ZNF600: variants seen among roughly 807,000 people sequenced by gnomAD.
ZNF600 encodes the protein zinc finger protein KR-ZNF1.
A neutral mutation model predicts 7.3 loss-of-function variants in ZNF600; 4 were observed. That is an observed-to-expected ratio of 0.55 (90% CI 0.27 to 1.25). ZNF600 has a LOEUF of 1.25. ZNF600 is among the 50% of genes most tolerant of loss of function. The pLI is 0.12. For synonymous variants in ZNF600, 290 were observed against 308.9 expected, an observed-to-expected ratio of 0.94 and a Z score of 0.64; for missense variants, 911 against 922.1, an observed-to-expected ratio of 0.99 and a Z score of 0.16.
At chr19:52,808,040 T>A in the ZNF600 span, 1 of 1,613,466 alleles carries the variant, frequency 6.2e-7, no homozygotes, top group African/African-American at 1.3e-5. Flanking sequence ...TTCTCCAGCA[T>A]CACATCCCTG....
upstream of ZNF600, among the ~76,000 whole-genome samples, chr19:52,787,213 G>A (rs550492112): frequency 1.9e-4 from 29 of 152,236 alleles, no homozygotes; most frequent in African/African-American, 6.5e-4. Context: ...GGCCAGGGAG[G>A]AGTGAGGTCA....
chr19:52,771,398 C>A (rs150676204), intron 3 of ZNF600, among the ~76,000 whole-genome samples: 1 of 151,902 alleles, frequency 6.6e-6, no homozygotes, highest in East Asian at 1.9e-4. Context: ...TGCAGTGGCA[C>A]GACTCTCCTA....
chr19:52,814,326 C>T, the ZNF600 span: 1 of 146,404 alleles, frequency 6.8e-6, no homozygotes, highest in Admixed American at 6.9e-5. Context: ...CATGATGGCT[C>T]GTGTCTGTAA....
chr19:52,803,826 G>T, the ZNF600 span, among the ~76,000 whole-genome samples: 2 of 152,074 alleles, frequency 1.3e-5, no homozygotes, highest in Admixed American at 6.6e-5. Context: ...GGGTGTGGTG[G>T]AGGGTGCCTG....
At position 52,765,971 on chromosome 19, in the gene ZNF600, T is replaced by A. The variant is rs150717893; in HGVS notation, c.1992A>T (p.Ser664=). 558 of 1,614,236 alleles carry A rather than the reference T, an allele frequency of 3.5e-4. 1 individual carries two copies. The African/African-American group carries it at 6.6e-3, about 19-fold the overall frequency. ...GAATTCTGGTATGTCTTGCCAGGTATGAATTACGCACGAAAGCCTTGTCAC... is the reference window on the plus strand; with the variant it reads ...GAATTCTGGTATGTCTTGCCAGGTAAGAATTACGCACGAAAGCCTTGTCAC... The change falls in exon 4 of 4, where the codon TCA becomes TCT. Residue 664 remains serine, a synonymous_variant. Transcript: ENST00000648973.
chr19:52,800,024 G>T, the ZNF600 span: 5 of 1,614,180 alleles, frequency 3.1e-6, no homozygotes, highest in African/African-American at 1.3e-5. Context: ...CATTACACTT[G>T]TAAGGTTTCT....
chr19:52,767,702 T>A (rs2062599225), exon 4 of ZNF600: 1 of 1,613,066 alleles, frequency 6.2e-7, no homozygotes, highest in Admixed American at 1.7e-5. Flanking sequence ...GCAATGTCCC[T>A]GTGTGGATCA....
At chr19:52,765,250 A>T (rs1413647405) in exon 4 of ZNF600, 14 of 573,594 alleles carry the variant, frequency 2.4e-5, no homozygotes, top group Non-Finnish European at 4.1e-5. Context: ...CACTTCTGAC[A>T]TTTGTAAGAT....
chr19:52,788,402 T>C (rs911744384), upstream of ZNF600, among the ~76,000 whole-genome samples: 3 of 151,968 alleles, frequency 2.0e-5, no homozygotes, highest in Non-Finnish European at 4.4e-5. Flanking sequence ...GTAACATGAG[T>C]CTTTGGAAAA....
At chr19:52,829,366 TC>T in the ZNF600 span, among the ~76,000 whole-genome samples, 1 of 57,568 alleles carries the variant, frequency 1.7e-5, no homozygotes. Flanking sequence ...CCCTCCCCCC[TC>T]CCCCCTATTT....
At chr19:52,814,504 G>C in the ZNF600 span, 2 of 145,950 alleles carry the variant, frequency 1.4e-5, 1 homozygote, top group African/African-American at 5.3e-5. Flanking sequence ...TAAAACAGGA[G>C]AATCACTTGA....
chr19:52,809,253 T>C, the ZNF600 span, among the ~76,000 whole-genome samples: 31 of 152,242 alleles, frequency 2.0e-4, no homozygotes, highest in Non-Finnish European at 2.8e-4. Flanking sequence ...TCTGTAGTAA[T>C]GCGGACGTGC....
At chr19:52,789,458 T>G (rs11665680), upstream of ZNF600, among the ~76,000 whole-genome samples, 66,550 of 152,162 alleles carry the variant, frequency 0.44, 16,208 homozygotes, top group Non-Finnish European at 0.57. Flanking sequence ...TCTTCTATAC[T>G]TTGTCTCTGT....
At chr19:52,792,982 C>G in the ZNF600 span, among the ~76,000 whole-genome samples, 1 of 151,902 alleles carries the variant, frequency 6.6e-6, no homozygotes, top group Non-Finnish European at 1.5e-5. Context: ...GTGATCCACC[C>G]ACCTCGGCCT....
intron 1 of ZNF600, among the ~76,000 whole-genome samples, chr19:52,779,516 G>C (rs1036972537): frequency 3.9e-5 from 6 of 152,156 alleles, no homozygotes; most frequent in African/African-American, 1.4e-4. Context: ...TCCAGAGAGT[G>C]GATGACAAAG....
the ZNF600 span, among the ~76,000 whole-genome samples, chr19:52,822,367 T>C: frequency 6.6e-6 from 1 of 152,100 alleles, no homozygotes; most frequent in Non-Finnish European, 1.5e-5. Context: ...CCACTGTGCC[T>C]GGCCCAGGAA....
the ZNF600 span, among the ~76,000 whole-genome samples, chr19:52,833,485 A>AC: frequency 6.6e-6 from 1 of 152,284 alleles, no homozygotes; most frequent in East Asian, 1.9e-4. Context: ...ACTGGCTACT[A>AC]AATACCTGGT....
chr19:52,793,764 C>CCACACACA, the ZNF600 span, among the ~76,000 whole-genome samples: 45 of 138,830 alleles, frequency 3.2e-4, no homozygotes, highest in South Asian at 9.4e-4. Context: ...CCAAACTCTG[C>CCACACACA]CACACACACA....
At chr19:52,787,718 A>G (rs1200383208), upstream of ZNF600, among the ~76,000 whole-genome samples, 1 of 150,022 alleles carries the variant, frequency 6.7e-6, no homozygotes, top group East Asian at 2.0e-4. Flanking sequence ...AAATTAGCCA[A>G]GCGTGGTGGT....
Sources: allele counts gnomAD v4.1 joint callset (sites outside exome capture counted in the v4.1 genomes callset), GRCh38; gene constraint gnomAD v4.1.1; transcripts MANE v1.5; gene names NCBI Gene and HGNC (gene_info 2026-07-23, HGNC 2026-07-21).